USP28: variants seen among roughly 807,000 people sequenced by gnomAD.
The protein encoded by USP28 is ubiquitin carboxyl-terminal hydrolase 28.
Under a neutral mutation model 145.0 loss-of-function variants are expected in USP28, and 113 were observed. The observed-to-expected ratio is 0.78, with a 90% CI of 0.67 to 0.91. The LOEUF (loss-of-function observed/expected upper bound fraction) is 0.91, where lower values mean the gene tolerates loss of function less well. USP28 is among the 40% of genes least tolerant of loss of function. The probability of loss-of-function intolerance (pLI) is 0.00; values close to 1 mark genes in which losing one functional copy is unlikely to be tolerated. For missense variants in USP28, 1,201 were observed against 1,289.6 expected (o/e 0.93, Z 1.05); for synonymous variants, 447 against 450.9 (o/e 0.99, Z 0.11).
chr11:113,840,946 G>A (rs1340569143), intron 4 of USP28, among the ~76,000 whole-genome samples, 189 bp from the exon 5 acceptor site: 1 of 152,156 alleles, frequency 6.6e-6, no homozygotes, highest in Non-Finnish European at 1.5e-5. Context: ...ACATAGAAAT[G>A]TTAATCCCTC....
intron 12 of USP28, among the ~76,000 whole-genome samples, chr11:113,819,881 G>A (rs573345682): frequency 1.4e-4 from 21 of 152,174 alleles, no homozygotes; most frequent in Middle Eastern, 6.8e-3. Context: ...CACCACGCTC[G>A]GCTAATTCTG....
At chr11:113,799,233 T>C in exon 25 of USP28, 3 of 1,611,468 alleles carry the variant, frequency 1.9e-6, no homozygotes, top group East Asian at 2.2e-5. Flanking sequence ...CTTGAACATG[T>C]GGGAGCTTAT....
exon 25 of USP28, chr11:113,798,594 A>G (rs1363892376): frequency 7.7e-6 from 1 of 129,958 alleles, no homozygotes; most frequent in Non-Finnish European, 1.9e-5. Context: ...AGTCCTTAAT[A>G]CTTTACTTTC....
Position 113,838,055 on chromosome 11 carries a change from T to A in USP28, c.534+2543A>T, listed in dbSNP as rs1038725584. Among the ~76,000 whole-genome samples the A allele has an allele frequency of 2.0e-5, 3 of 152,136 alleles. No individual in the cohort carries two copies. The East Asian group carries it at 5.8e-4, about 29-fold the overall frequency. ...ATTTGCAGTTATCATTTCTTCCTCT[T>A]CCCTTCCCATTACTCTCCTGCCCTT... On this transcript the variant is annotated intron_variant, in intron 5 of 24. Transcript: ENST00000003302.
chr11:113,864,414 G>A (rs1383344460), intron 1 of USP28, among the ~76,000 whole-genome samples: 14 of 152,232 alleles, frequency 9.2e-5, no homozygotes, highest in East Asian at 3.9e-4. Context: ...ACATGACTGC[G>A]GAGACTGAGA....
intron 11 of USP28, among the ~76,000 whole-genome samples, chr11:113,826,613 A>G (rs1476140397): frequency 2.0e-5 from 3 of 151,832 alleles, no homozygotes; most frequent in Non-Finnish European, 4.4e-5. Flanking sequence ...GGTCTCAACC[A>G]GACTTTTATA....
intron 5 of USP28, 23 bp from the exon 6 acceptor site, chr11:113,834,358 T>A (rs112778262): frequency 3.3e-6 from 5 of 1,497,716 alleles, no homozygotes; most frequent in African/African-American, 1.4e-5. Context: ...AAGAAAGGGA[T>A]TCATAGCCTT....
chr11:113,799,194 G>A (rs1938469663), exon 25 of USP28: 2 of 1,580,866 alleles, frequency 1.3e-6, no homozygotes, highest in Non-Finnish European at 1.7e-6. Flanking sequence ...TTCTGTGCAA[G>A]AGGCAGGCAG....
At chr11:113,855,622 A>G (rs1946967269) in intron 1 of USP28, among the ~76,000 whole-genome samples, 2 of 152,158 alleles carry the variant, frequency 1.3e-5, no homozygotes, top group African/African-American at 4.8e-5. Context: ...ACATCCCTCT[A>G]AAGTCCTAAA....
In USP28 at chr11:113,837,655, G is replaced by A. The variant is rs17116066; in HGVS notation, c.534+2943C>T. Among the ~76,000 whole-genome samples, 1,203 of 152,084 alleles carry A rather than the reference G, an allele frequency of 7.9e-3. 18 individuals are homozygous for A. Among genetic ancestry groups the A allele is most frequent in the African/African-American group, 0.028 (1,173 of 41,492 alleles). On this transcript the variant is annotated intron_variant, in intron 5 of 24. Transcript: ENST00000003302. Reference sequence around the variant, plus strand: ...TTTCTCCATCTAGCTTTGATGCTACGGTCTTAACTACCCTTCATTAAATTC... The same window carrying A: ...TTTCTCCATCTAGCTTTGATGCTACAGTCTTAACTACCCTTCATTAAATTC...
At chr11:113,874,927 T>C (rs1306574535) in intron 1 of USP28, 7 of 936,282 alleles carry the variant, frequency 7.5e-6, no homozygotes, top group Non-Finnish European at 7.7e-6. Context: ...GTTTTGTTTT[T>C]AAAGCCGGGT....
At chr11:113,824,931 T>TTA (rs1943123312) in intron 11 of USP28, among the ~76,000 whole-genome samples, 1 of 118,402 alleles carries the variant, frequency 8.4e-6, no homozygotes, top group Admixed American at 8.9e-5. Context: ...AACTCCGTCT[T>TTA]AAAAAAAAAA....
intron 24 of USP28, among the ~76,000 whole-genome samples, chr11:113,800,381 T>C (rs562566890): frequency 1.3e-5 from 2 of 152,220 alleles, no homozygotes; most frequent in South Asian, 4.1e-4. Flanking sequence ...TGGGTCACTG[T>C]AGCCTCGGCC....
chr11:113,826,924 A>C (rs1206512352), intron 11 of USP28, among the ~76,000 whole-genome samples: 2 of 151,798 alleles, frequency 1.3e-5, no homozygotes, highest in African/African-American at 4.8e-5. Flanking sequence ...TGTCTCAAAA[A>C]AAAAAAAAAA....
chr11:113,803,013 C>T, intron 23 of USP28, 145 bp downstream of exon 24: 10 of 869,366 alleles, frequency 1.2e-5, no homozygotes, highest in Non-Finnish European at 1.7e-5. Context: ...AAAACCTGTT[C>T]CAATGTAAAA....
rs146391780 is a variant in USP28, at chr11:113,830,141, A to T, written c.910+726T>A. 2.2e-3 allele frequency among the ~76,000 whole-genome samples: 336 copies of T among 152,324 alleles called. 2 individuals are homozygous for T. The highest frequency in any genetic ancestry group is 7.6e-3 in the African/African-American group (314 of 41,582). ...AACGATGGAGGGGGAGCCTACAAAT[A>T]TTCAGTCATAAATGAATCACACACT... On this transcript the variant is annotated intron_variant, in intron 9 of 24. Coordinates refer to ENST00000003302, the Ensembl canonical transcript of USP28.
chr11:113,836,307 C>A lies in USP28; in HGVS notation c.535-1972G>T, dbSNP rs368880827. 8.7e-4 allele frequency among the ~76,000 whole-genome samples: 132 copies of A among 152,210 alleles called. 1 individual carries two copies. In the South Asian group the frequency reaches 0.027, roughly 31 times the overall value. On this transcript the variant is annotated intron_variant, in intron 5 of 24. Coordinates refer to ENST00000003302, the Ensembl canonical transcript of USP28. Reference sequence around the variant, plus strand: ...AAGTAACAAGTCCCTTGGCCTCTGACTCTAGGTGCTCTTTATAACCTAACT... The same window carrying A: ...AAGTAACAAGTCCCTTGGCCTCTGAATCTAGGTGCTCTTTATAACCTAACT...
chr11:113,869,355 G>C (rs1948596132), intron 1 of USP28, among the ~76,000 whole-genome samples: 2 of 152,228 alleles, frequency 1.3e-5, no homozygotes, highest in South Asian at 2.1e-4. Context: ...ATAGAACCCG[G>C]AAGGCGGGGG....
chr11:113,857,911 A>T (rs1304005437), intron 1 of USP28, among the ~76,000 whole-genome samples: 1 of 151,732 alleles, frequency 6.6e-6, no homozygotes, highest in African/African-American at 2.4e-5. Context: ...CCCAGACTGG[A>T]GTGCAATAGC....
Sources: allele counts gnomAD v4.1 joint callset (sites outside exome capture counted in the v4.1 genomes callset), GRCh38; gene constraint gnomAD v4.1.1; transcripts MANE v1.5; gene names NCBI Gene and HGNC (gene_info 2026-07-23, HGNC 2026-07-21).